The following HESX1 variants were observed in gnomAD, a reference collection of about 807,000 sequenced individuals.
HESX1 encodes homeobox expressed in ES cells 1.
Under a neutral mutation model 22.5 loss-of-function variants are expected in HESX1, and 11 were observed. The observed-to-expected ratio is 0.49, with a 90% CI of 0.31 to 0.81. HESX1 has a LOEUF of 0.81. Among genes scored for constraint, HESX1 ranks in the 30% least tolerant of loss-of-function variants. HESX1 has a pLI of 0.05. For synonymous variants in HESX1, 74 were observed against 76.5 expected, an observed-to-expected ratio of 0.97 and a Z score of 0.17; for missense variants, 201 against 212.6, an observed-to-expected ratio of 0.95 and a Z score of 0.34.
intron 1 of HESX1, among the ~76,000 whole-genome samples, chr3:57,208,680 G>A (rs2060533918): frequency 6.8e-6 from 1 of 147,834 alleles, no homozygotes; most frequent in Admixed American, 6.7e-5. Flanking sequence ...TAAGTTGTAG[G>A]CCAGGCACGG....
intron 1 of HESX1, among the ~76,000 whole-genome samples, chr3:57,217,054 CACA>C (rs1267758808): frequency 6.6e-6 from 1 of 152,172 alleles, no homozygotes; most frequent in Non-Finnish European, 1.5e-5. Flanking sequence ...CACTTTCTGG[CACA>C]ACAAGATGTC....
intron 1 of HESX1, among the ~76,000 whole-genome samples, chr3:57,219,506 T>C (rs2060602613): frequency 6.6e-6 from 1 of 152,160 alleles, no homozygotes; most frequent in Non-Finnish European, 1.5e-5. Context: ...TAGCTGGGAC[T>C]ACAGGTGCCC....
At position 57,198,235 on chromosome 3, in the gene HESX1, TTAGAA is replaced by T; in HGVS notation, c.515_519del (p.Phe172TyrfsTer20). The T allele has an allele frequency of 6.2e-7, 1 of 1,613,208 alleles. No individual in the cohort carries two copies. Among genetic ancestry groups the T allele is most frequent in the Non-Finnish European group, 8.5e-7 (1 of 1,179,384 alleles). ...TTTGTGTTGAAATTTTTTTTCGCCA[TTAGAA>T]ACTGTGATTCTCTATGGGACCTTTT... On this transcript the variant is annotated frameshift_variant, in exon 4 of 4. Transcript: ENST00000295934. LOFTEE classifies it high-confidence loss of function.
chr3:57,206,148 G>A (rs554435273), intron 1 of HESX1, among the ~76,000 whole-genome samples: 3 of 152,134 alleles, frequency 2.0e-5, no homozygotes, highest in Admixed American at 6.5e-5. Flanking sequence ...CCGAGATCAC[G>A]CCATTGCACT....
At chr3:57,210,404 G>A (rs982800814) in intron 1 of HESX1, among the ~76,000 whole-genome samples, 1 of 152,134 alleles carries the variant, frequency 6.6e-6, no homozygotes, top group Admixed American at 6.5e-5. Flanking sequence ...TACTAGGTCT[G>A]AGGTGTTTTG....
chr3:57,224,147 C>A (rs1479145751), intron 1 of HESX1, among the ~76,000 whole-genome samples: 1 of 152,234 alleles, frequency 6.6e-6, no homozygotes, highest in East Asian at 1.9e-4. Context: ...AACCTGCCAC[C>A]ACATCCAGCT....
intron 1 of HESX1, among the ~76,000 whole-genome samples, chr3:57,208,759 G>T (rs193254925): frequency 1.3e-5 from 2 of 149,218 alleles, no homozygotes; most frequent in East Asian, 2.1e-4. Flanking sequence ...TCAGGAGTTC[G>T]AGACCAGCCT....
intron 1 of HESX1, among the ~76,000 whole-genome samples, chr3:57,210,581 TAA>T (rs1210080725): frequency 1.3e-5 from 2 of 152,216 alleles, no homozygotes; most frequent in Non-Finnish European, 2.9e-5. Flanking sequence ...TTCTTAAATA[TAA>T]GTTTATTTTT....
At chr3:57,206,847 T>G (rs1349041335) in intron 1 of HESX1, among the ~76,000 whole-genome samples, 1 of 152,242 alleles carries the variant, frequency 6.6e-6, no homozygotes, top group Non-Finnish European at 1.5e-5. Context: ...ATCAAGCATC[T>G]GAGGCCAGCC....
chr3:57,206,768 T>C (rs2060521724), intron 1 of HESX1, among the ~76,000 whole-genome samples: 1 of 152,148 alleles, frequency 6.6e-6, no homozygotes, highest in Admixed American at 6.6e-5. Flanking sequence ...GAGGAAAGCA[T>C]CCCTAATTTA....
chr3:57,217,389 T>C (rs905989086), intron 1 of HESX1, among the ~76,000 whole-genome samples: 4 of 152,228 alleles, frequency 2.6e-5, no homozygotes, highest in African/African-American at 9.7e-5. Flanking sequence ...TCCATATTTG[T>C]AATCCCTTTG....
At position 57,198,225 on chromosome 3, in the gene HESX1, T is replaced by G. The variant is rs747357413; in HGVS notation, c.530A>C (p.Lys177Thr). Residue 177 changes from lysine to threonine, a missense_variant, in exon 4 of 4, where the codon AAA becomes ACA. Coordinates refer to ENST00000295934, the MANE Select transcript of HESX1 (RefSeq NM_003865.3). ...TTCCAGCAGATTTGTGTTGAAATTT[T>G]TTTTCGCCATTAGAAACTGTGATTC... ...HRESQFLMAK[K>T]NFNTNLLE The G allele has an allele frequency of 1.9e-6, 3 of 1,612,472 alleles. No individual in the cohort carries two copies. The highest frequency in any genetic ancestry group is 1.1e-5 in the South Asian group (1 of 90,980).
rs558337088 is a variant in HESX1, at chr3:57,210,993, C to T, written c.-110-10965G>A. Among the ~76,000 whole-genome samples the T allele has an allele frequency of 9.3e-5, 14 of 151,314 alleles. No homozygotes were observed. In the East Asian group the frequency reaches 1.8e-3, roughly 19 times the overall value. ...CAGCACTTTGGGAGGCCGAGGCGGGCGGATTGCCTGAGGTCGGGAGTTTGA... is the reference window on the plus strand; with the variant it reads ...CAGCACTTTGGGAGGCCGAGGCGGGTGGATTGCCTGAGGTCGGGAGTTTGA... On this transcript the variant is annotated intron_variant, in intron 1 of 2. Coordinates refer to the HESX1 transcript ENST00000495160.
chr3:57,209,679 A>T (rs1223841099), intron 1 of HESX1, among the ~76,000 whole-genome samples: 1 of 151,634 alleles, frequency 6.6e-6, no homozygotes, highest in Non-Finnish European at 1.5e-5. Flanking sequence ...CTCAAAAAAA[A>T]AAAAAAAAAA....
chr3:57,213,654 C>T (rs186820887), intron 1 of HESX1, among the ~76,000 whole-genome samples: 20 of 152,290 alleles, frequency 1.3e-4, no homozygotes, highest in Admixed American at 1.3e-3. Flanking sequence ...TGGCCAGGCG[C>T]GGTGGCTCAC....
rs1163238294 is a variant in HESX1 at position 57,215,702 on chromosome 3, G to A, written c.-111+10594C>T. Among the ~76,000 whole-genome samples the A allele has an allele frequency of 1.3e-5, 2 of 152,254 alleles. 1 individual carries two copies. The highest frequency in any genetic ancestry group is 4.1e-4 in the South Asian group (2 of 4,824). ...GAATCGCTTGAACCCGGGAGGCAGA[G>A]GTTGCAGTGAGCCAAGGTCGTGCCA... On this transcript the variant is annotated intron_variant, in intron 1 of 2. Coordinates refer to the HESX1 transcript ENST00000495160.
Position 57,198,010 on chromosome 3 carries a change from C to A in HESX1, c.*187G>T, listed in dbSNP as rs532594880. 6.1e-6 allele frequency: 3 copies of A among 494,058 alleles called. No individual in the cohort carries two copies. In the South Asian group the frequency reaches 1.1e-4, roughly 18 times the overall value. The allele number at this position is 494,058 out of a possible 1,614,324, so 30.6% of individuals were successfully genotyped here. Reference sequence around the variant, plus strand: ...GTTTATTAAAATATATATAAAAGGTCTTTACTATAACTAAAAGTGCCCAAA... The same window carrying A: ...GTTTATTAAAATATATATAAAAGGTATTTACTATAACTAAAAGTGCCCAAA... On this transcript the variant is annotated 3_prime_UTR_variant, in exon 4 of 4. Coordinates refer to ENST00000295934, the MANE Select transcript of HESX1 (RefSeq NM_003865.3).
chr3:57,223,616 C>T (rs1056392054), intron 1 of HESX1, among the ~76,000 whole-genome samples: 3 of 152,280 alleles, frequency 2.0e-5, no homozygotes, highest in Non-Finnish European at 4.4e-5. Flanking sequence ...TCCAAAGCTT[C>T]CCCCTACTCT....
intron 1 of HESX1, among the ~76,000 whole-genome samples, chr3:57,209,457 T>C (rs2060540005): frequency 6.6e-6 from 1 of 151,986 alleles, no homozygotes; most frequent in Non-Finnish European, 1.5e-5. Flanking sequence ...CTGGCCAATA[T>C]GGTGAAACCC....
Sources: gnomAD v4.1 joint callset for allele counts (sites outside exome capture counted in the v4.1 genomes callset) on GRCh38, gnomAD v4.1.1 for gene constraint, MANE v1.5 for transcripts, NCBI Gene and HGNC (gene_info 2026-07-23, HGNC 2026-07-21) for gene names.